Variants in SDR42E2 observed in about 807,000 individuals in gnomAD.
SDR42E2 encodes short chain dehydrogenase/reductase family 42E, member 2.
In SDR42E2, 20 loss-of-function variants were observed where a neutral mutation model predicts 10.5. That is an observed-to-expected ratio of 1.90 (90% CI 1.34 to 2.77). The LOEUF (loss-of-function observed/expected upper bound fraction) is 2.77, where lower values mean the gene tolerates loss of function less well. Ranked by LOEUF, SDR42E2 falls within the 30% of genes most tolerant of loss-of-function variation. The pLI is 0.00. For missense variants in SDR42E2, 162 were observed against 104.2 expected (o/e 1.55, Z -2.42); for synonymous variants, 72 against 39.2 (o/e 1.84, Z -3.12).
At chr16:22,172,373 C>T (rs2046609105) in intron 7 of SDR42E2, 42 bp downstream of exon 7, 2 of 703,442 alleles carry the variant, frequency 2.8e-6, no homozygotes, top group East Asian at 2.7e-5. Flanking sequence ...TGCACCTGCC[C>T]ACTGCTGCCT....
chr16:22,167,143 G>C, intron 4 of SDR42E2, 144 bp downstream of exon 4: 1 of 188,288 alleles, frequency 5.3e-6, no homozygotes, highest in Non-Finnish European at 1.0e-5. Context: ...CTGCATCCAT[G>C]ACACCAAATA....
intron 10 of SDR42E2, 106 bp from the exon 11 acceptor site, chr16:22,184,075 G>A: frequency 2.5e-6 from 1 of 397,362 alleles, no homozygotes; most frequent in Non-Finnish European, 4.4e-6. Context: ...TGGGTTGGTG[G>A]GGAGACAGGA....
intron 12 of SDR42E2, among the ~76,000 whole-genome samples, chr16:22,188,091 A>C (rs1024140008): frequency 7.2e-6 from 1 of 139,684 alleles, no homozygotes; most frequent in African/African-American, 2.7e-5. Flanking sequence ...ACAAGACTCC[A>C]TCTAAAAAAA....
chr16:22,185,408 C>A (rs1433559333), intron 11 of SDR42E2, among the ~76,000 whole-genome samples: 1 of 152,182 alleles, frequency 6.6e-6, no homozygotes, highest in African/African-American at 2.4e-5. Context: ...GTACTCCCGG[C>A]CCTGAGCCAC....
chr16:22,184,107 T>C, intron 10 of SDR42E2, 74 bp from the exon 11 acceptor site: 1 of 399,166 alleles, frequency 2.5e-6, no homozygotes, highest in Middle Eastern at 3.6e-4. Context: ...TGGTCCCCGG[T>C]AGAGGGAGCA....
At chr16:22,173,620 G>C (rs969009809) in intron 7 of SDR42E2, among the ~76,000 whole-genome samples, 2 of 151,932 alleles carry the variant, frequency 1.3e-5, no homozygotes, top group Admixed American at 1.3e-4. Context: ...TATATGCAAA[G>C]GTCTGATTAA....
At chr16:22,171,400 C>T (rs570237329) in intron 6 of SDR42E2, among the ~76,000 whole-genome samples, 61 of 151,762 alleles carry the variant, frequency 4.0e-4, no homozygotes, top group African/African-American at 1.3e-3. Context: ...GCCACCACAA[C>T]CAGCCAATTT....
chr16:22,174,058 T>C (rs914140866), intron 7 of SDR42E2, among the ~76,000 whole-genome samples: 5 of 151,168 alleles, frequency 3.3e-5, no homozygotes, highest in African/African-American at 1.2e-4. Context: ...CCTCACTGGG[T>C]GCGGTGGCTC....
At chr16:22,172,472 A>G (rs2046609993) in intron 7 of SDR42E2, 141 bp downstream of exon 7, 1 of 657,568 alleles carries the variant, frequency 1.5e-6, no homozygotes, top group Non-Finnish European at 2.8e-6. Flanking sequence ...TTGCCCATTC[A>G]TCATTCAGCA....
intron 5 of SDR42E2, among the ~76,000 whole-genome samples, chr16:22,170,454 C>G (rs1046443990): frequency 6.6e-6 from 1 of 152,226 alleles, no homozygotes; most frequent in Non-Finnish European, 1.5e-5. Context: ...GCATGTCCTG[C>G]CTTATCCCGT....
Position 22,190,423 on chromosome 16 carries a change from G to A in SDR42E2, c.*30G>A. ...CCGCCGTCCGCCGCCCGCTAGGGTCGGCCCCGCTGCACCCTCGCCCACGCC... is the reference window on the plus strand; with the variant it reads ...CCGCCGTCCGCCGCCCGCTAGGGTCAGCCCCGCTGCACCCTCGCCCACGCC... On this transcript the variant is annotated 3_prime_UTR_variant, in exon 13 of 13. Transcript: ENST00000602312. 4 of 401,356 alleles carry A rather than the reference G, an allele frequency of 1.0e-5. No homozygotes were observed. The highest frequency in any genetic ancestry group is 1.3e-5 in the Non-Finnish European group (3 of 227,612). The allele number at this position is 401,356 out of a possible 1,614,324, so 24.9% of individuals were successfully genotyped here. A position where few individuals can be genotyped will look rare whatever the true frequency, so the allele number is the denominator to read the frequency against.
At chr16:22,171,561 T>A (rs1300458438) in intron 6 of SDR42E2, among the ~76,000 whole-genome samples, 6 of 151,852 alleles carry the variant, frequency 4.0e-5, no homozygotes, top group Admixed American at 3.9e-4. Flanking sequence ...AAGGTCTTGC[T>A]TTGCTCTGTC....
intron 7 of SDR42E2, among the ~76,000 whole-genome samples, chr16:22,177,581 T>C (rs11643802): frequency 0.14 from 20,663 of 151,862 alleles, 1,493 homozygotes; most frequent in South Asian, 0.17. Context: ...TGAGCCAAGA[T>C]TGCGCCACTG....
rs2046763395 is a variant in SDR42E2, at chr16:22,190,282, G to T, written c.1158G>T (p.Ala386=). The change falls in exon 13 of 13, where the codon GCG becomes GCT. Residue 386 remains alanine (A), a synonymous_variant. Transcript: ENST00000602312. ...STTRRPRGST[A]RTLLRLLLRL... is the part of the protein sequence containing the mutation. ...CCCGGCGGCCCCGCGGCTCCACGGC[G>T]CGGACCCTCCTGCGCCTGCTGCTCA... 2 of 401,412 alleles carry T rather than the reference G, an allele frequency of 5.0e-6. No homozygotes were observed. Among genetic ancestry groups the T allele is most frequent in the Non-Finnish European group, 8.8e-6 (2 of 226,524 alleles). The allele number at this position is 401,412 out of a possible 1,614,324, so 24.9% of individuals were successfully genotyped here.
chr16:22,175,990 T>C (rs1218609771), intron 7 of SDR42E2, among the ~76,000 whole-genome samples: 2 of 141,704 alleles, frequency 1.4e-5, no homozygotes, highest in Admixed American at 7.1e-5. Flanking sequence ...AAGACTCTAT[T>C]AAAAAAAAAA....
chr16:22,163,872 G>T (rs1178708661), intron 1 of SDR42E2, among the ~76,000 whole-genome samples: 2 of 152,126 alleles, frequency 1.3e-5, no homozygotes, highest in Admixed American at 6.6e-5. Context: ...AAAACATGGG[G>T]CTCATCAGTC....
chr16:22,170,733 C>G, intron 5 of SDR42E2, 100 bp from the exon 6 acceptor site: 1 of 686,444 alleles, frequency 1.5e-6, no homozygotes, highest in Non-Finnish European at 2.7e-6. Flanking sequence ...CTGCATGACA[C>G]CTCCTCAGCC....
chr16:22,183,416 C>T (rs777696371), intron 10 of SDR42E2, among the ~76,000 whole-genome samples: 1 of 152,122 alleles, frequency 6.6e-6, no homozygotes, highest in Non-Finnish European at 1.5e-5. Flanking sequence ...TGTGAGCCAC[C>T]CATTATGTGT....
chr16:22,190,002 T>C (rs1006358721), intron 12 of SDR42E2, 137 bp from the exon 13 acceptor site: 5 of 399,440 alleles, frequency 1.3e-5, no homozygotes, highest in East Asian at 1.1e-4. Flanking sequence ...AGCAAGACGC[T>C]GCACTCGGGT....
Sources: allele counts gnomAD v4.1 joint callset (sites outside exome capture counted in the v4.1 genomes callset), GRCh38; gene constraint gnomAD v4.1.1; transcripts MANE v1.5; gene names NCBI Gene and HGNC (gene_info 2026-07-23, HGNC 2026-07-21).